Variants in PTPRD observed in about 807,000 individuals in gnomAD.
PTPRD encodes receptor-type tyrosine-protein phosphatase delta.
Under a neutral mutation model 214.5 loss-of-function variants are expected in PTPRD, and 34 were observed. The observed-to-expected ratio is 0.16, with a 90% CI of 0.12 to 0.21. The LOEUF is 0.21. PTPRD is among the 10% of genes least tolerant of loss of function. The pLI is 1.00. For missense variants in PTPRD, 2,545 were observed against 2,398.7 expected (o/e 1.06, Z -1.27); for synonymous variants, 1,128 against 845.7 (o/e 1.33, Z -5.79).
At chr9:10,584,936 C>T (rs1017363415) in intron 2 of PTPRD, among the ~76,000 whole-genome samples, 2 of 152,146 alleles carry the variant, frequency 1.3e-5, no homozygotes, top group Non-Finnish European at 2.9e-5. Flanking sequence ...ACCCAAACTA[C>T]TCTCAGGCCA....
chr9:8,448,752 C>T (rs1247308795), intron 34 of PTPRD, among the ~76,000 whole-genome samples: 1 of 152,122 alleles, frequency 6.6e-6, no homozygotes, highest in African/African-American at 2.4e-5. Flanking sequence ...ACATAATAAA[C>T]CATGTTCAAA....
chr9:9,069,913 T>G (rs1308307733), intron 10 of PTPRD, among the ~76,000 whole-genome samples: 1 of 152,194 alleles, frequency 6.6e-6, no homozygotes, highest in Non-Finnish European at 1.5e-5. Flanking sequence ...TGCTTATTAT[T>G]TCACCAGTGG....
intron 5 of PTPRD, among the ~76,000 whole-genome samples, chr9:9,833,042 A>T (rs1411491432): frequency 6.6e-6 from 1 of 152,038 alleles, no homozygotes; most frequent in African/African-American, 2.4e-5. Flanking sequence ...GTAGAAATTC[A>T]TGGTTCCTCT....
intron 5 of PTPRD, among the ~76,000 whole-genome samples, chr9:9,785,741 A>G (rs1262437499): frequency 1.3e-5 from 2 of 152,122 alleles, no homozygotes; most frequent in Non-Finnish European, 2.9e-5. Flanking sequence ...ATTAATTAAT[A>G]TTATAGTACC....
intron 9 of PTPRD, among the ~76,000 whole-genome samples, chr9:9,201,639 A>G (rs993333815): frequency 2.0e-5 from 3 of 152,220 alleles, no homozygotes; most frequent in African/African-American, 2.4e-5. Context: ...TAAGTTTTAA[A>G]TATCTTACTG....
chr9:8,801,584 C>T (rs1452798845), intron 11 of PTPRD, among the ~76,000 whole-genome samples: 2 of 152,098 alleles, frequency 1.3e-5, no homozygotes, highest in Non-Finnish European at 2.9e-5. Flanking sequence ...GGCATGGTGG[C>T]ACATGCCTGT....
At chr9:9,487,124 T>C (rs1356556106) in intron 8 of PTPRD, among the ~76,000 whole-genome samples, 2 of 152,200 alleles carry the variant, frequency 1.3e-5, no homozygotes, top group Non-Finnish European at 2.9e-5. Context: ...GTTGGTTACA[T>C]ATGTATACAT....
At chr9:9,411,119 G>C (rs191509176) in intron 8 of PTPRD, among the ~76,000 whole-genome samples, 151 of 152,188 alleles carry the variant, frequency 9.9e-4, no homozygotes, top group African/African-American at 3.1e-3. Flanking sequence ...GAACCACAAG[G>C]TGGGTTTCCA....
intron 10 of PTPRD, among the ~76,000 whole-genome samples, chr9:9,053,894 G>C (rs1345016843): frequency 6.6e-6 from 1 of 151,954 alleles, no homozygotes; most frequent in Non-Finnish European, 1.5e-5. Context: ...TGGATAACTA[G>C]ACAATTTTCA....
chr9:9,058,278 G>T (rs2099699995), intron 10 of PTPRD, among the ~76,000 whole-genome samples: 1 of 151,932 alleles, frequency 6.6e-6, no homozygotes, highest in African/African-American at 2.4e-5. Context: ...AGTGTCTTAT[G>T]CAATGTCACA....
At chr9:8,524,569 G>C (rs1052327288) in intron 18 of PTPRD, among the ~76,000 whole-genome samples, 3 of 151,890 alleles carry the variant, frequency 2.0e-5, no homozygotes, top group African/African-American at 7.3e-5. Context: ...TATTTCAGGG[G>C]TTTAATAAGG....
chr9:10,556,031 A>C (rs539215255), intron 2 of PTPRD, among the ~76,000 whole-genome samples: 3 of 152,290 alleles, frequency 2.0e-5, no homozygotes, highest in African/African-American at 7.2e-5. Flanking sequence ...AACAAATTTC[A>C]GTAACAAAAT....
intron 14 of PTPRD, among the ~76,000 whole-genome samples, chr9:8,614,177 T>C (rs561157831): frequency 5.3e-5 from 8 of 152,184 alleles, no homozygotes; most frequent in African/African-American, 1.2e-4. Flanking sequence ...ACTGAGCTTT[T>C]TGACCCTCAT....
At chr9:8,870,870 G>A (rs552309913) in intron 11 of PTPRD, among the ~76,000 whole-genome samples, 1 of 152,214 alleles carries the variant, frequency 6.6e-6, no homozygotes, top group South Asian at 2.1e-4. Context: ...TCCTGATAGC[G>A]CTTCAAAGCG....
At chr9:9,110,976 T>C (rs1445937633) in intron 10 of PTPRD, among the ~76,000 whole-genome samples, 1 of 152,100 alleles carries the variant, frequency 6.6e-6, no homozygotes, top group Non-Finnish European at 1.5e-5. Flanking sequence ...TATCTGGTCC[T>C]GTACAGAAAA....
At chr9:9,376,737 C>T (rs758728762) in intron 9 of PTPRD, among the ~76,000 whole-genome samples, 24 of 152,050 alleles carry the variant, frequency 1.6e-4, no homozygotes, top group Non-Finnish European at 2.8e-4. Flanking sequence ...TAGAACCCCT[C>T]GGGTCTCTTA....
At chr9:10,106,932 A>G (rs982018215) in intron 3 of PTPRD, among the ~76,000 whole-genome samples, 1 of 151,876 alleles carries the variant, frequency 6.6e-6, no homozygotes, top group Non-Finnish European at 1.5e-5. Context: ...AAATTTTAGT[A>G]GGGAGGTTGG....
intron 11 of PTPRD, among the ~76,000 whole-genome samples, chr9:8,983,675 A>C (rs1054186864): frequency 6.6e-6 from 1 of 150,582 alleles, no homozygotes; most frequent in South Asian, 2.1e-4. Context: ...TGCCTGGCTA[A>C]TTTTTTTTTC....
chr9:10,444,444 A>G (rs1295294149), intron 2 of PTPRD, among the ~76,000 whole-genome samples: 1 of 151,784 alleles, frequency 6.6e-6, no homozygotes, highest in Non-Finnish European at 1.5e-5. Flanking sequence ...AACTCTTCCA[A>G]TTCCATATTA....
Sources: allele counts gnomAD v4.1 joint callset (sites outside exome capture counted in the v4.1 genomes callset), GRCh38; gene constraint gnomAD v4.1.1; transcripts MANE v1.5; gene names NCBI Gene and HGNC (gene_info 2026-07-23, HGNC 2026-07-21).